DMD: variants seen among roughly 807,000 people sequenced by gnomAD.
The protein encoded by DMD is mutant dystrophin.
A neutral mutation model predicts 330.1 loss-of-function variants in DMD; 63 were observed. The ratio of observed to expected loss-of-function variants is 0.19; its 90% confidence interval spans 0.16 to 0.24. The LOEUF (loss-of-function observed/expected upper bound fraction) is 0.24, where lower values mean the gene tolerates loss of function less well. Among genes scored for constraint, DMD ranks in the 10% least tolerant of loss-of-function variants. DMD has a pLI of 1.00. For missense variants in DMD, 3,344 were observed against 2,684.1 expected (o/e 1.25, Z -5.43); for synonymous variants, 1,223 against 959.8 (o/e 1.27, Z -5.07).
At chrX:31,738,944 G>A (rs920256077) in intron 51 of DMD, among the ~76,000 whole-genome samples, 18 of 111,757 alleles carry the variant, frequency 1.6e-4, no homozygotes, top group African/African-American at 5.9e-4. Flanking sequence ...GTCGTGGGGA[G>A]GTGGGGGTGG....
At chrX:32,722,526 C>G (rs1174402050) in intron 7 of DMD, among the ~76,000 whole-genome samples, 1 of 110,236 alleles carries the variant, frequency 9.1e-6, no homozygotes, top group Non-Finnish European at 1.9e-5. Context: ...TACCAAGGGA[C>G]AGCTATATAT....
At chrX:32,319,333 C>T (rs904272568) in intron 41 of DMD, among the ~76,000 whole-genome samples, 3 of 110,727 alleles carry the variant, frequency 2.7e-5, no homozygotes, top group African/African-American at 9.8e-5. Context: ...TACACCCTAG[C>T]CAACTTATAA....
intron 55 of DMD, among the ~76,000 whole-genome samples, chrX:31,526,925 T>C (rs1569549484): frequency 9.0e-6 from 1 of 111,687 alleles, no homozygotes; most frequent in East Asian, 2.8e-4. Context: ...GCTTAGGCAA[T>C]GTGGCGAAAC....
chrX:31,312,006 G>C (rs2055559396), intron 62 of DMD, among the ~76,000 whole-genome samples: 1 of 111,681 alleles, frequency 9.0e-6, no homozygotes, highest in Non-Finnish European at 1.9e-5. Flanking sequence ...AAAAACCCTA[G>C]AAGGAAACCT....
chrX:32,331,789 G>T (rs903031606), intron 41 of DMD, among the ~76,000 whole-genome samples: 2 of 111,648 alleles, frequency 1.8e-5, no homozygotes, highest in Non-Finnish European at 1.9e-5. Flanking sequence ...CCAGTCATTT[G>T]AGACAATATT....
chrX:31,621,889 T>G (rs2078551477), intron 55 of DMD, among the ~76,000 whole-genome samples: 1 of 112,185 alleles, frequency 8.9e-6, no homozygotes, highest in African/African-American at 3.2e-5. Flanking sequence ...GAATGCTCTT[T>G]TCAACCCCAT....
intron 44 of DMD, among the ~76,000 whole-genome samples, chrX:32,123,833 T>C (rs1447423998): frequency 2.7e-5 from 3 of 112,375 alleles, no homozygotes; most frequent in Admixed American, 9.4e-5. Context: ...GTACACTTTA[T>C]TCTCGATTGG....
intron 55 of DMD, among the ~76,000 whole-genome samples, chrX:31,598,738 A>T (rs2077217948): frequency 8.9e-6 from 1 of 111,935 alleles, no homozygotes; most frequent in Non-Finnish European, 1.9e-5. Flanking sequence ...ACAATGAGAA[A>T]TGTAGTATCT....
intron 43 of DMD, among the ~76,000 whole-genome samples, chrX:32,244,570 C>A (rs1216990407): frequency 1.3e-5 from 1 of 77,752 alleles, no homozygotes. Context: ...AGTTTACAGT[C>A]CCACCAACAG....
At chrX:32,304,972 A>G (rs899105587) in intron 42 of DMD, among the ~76,000 whole-genome samples, 3 of 111,902 alleles carry the variant, frequency 2.7e-5, no homozygotes, top group African/African-American at 9.7e-5. Context: ...TATATGATCC[A>G]TGATTATTTA....
intron 41 of DMD, among the ~76,000 whole-genome samples, chrX:32,313,259 A>C (rs1326038450): frequency 9.0e-6 from 1 of 111,255 alleles, no homozygotes; most frequent in Non-Finnish European, 1.9e-5. Context: ...GCAAATCAAT[A>C]AATGTAACCC....
chrX:32,875,722 A>G (rs1414292634), intron 2 of DMD, among the ~76,000 whole-genome samples: 1 of 112,063 alleles, frequency 8.9e-6, no homozygotes, highest in African/African-American at 3.2e-5. Context: ...TTTCAATTCA[A>G]TCACTGCCTT....
intron 9 of DMD, among the ~76,000 whole-genome samples, chrX:32,683,343 C>T (rs1052160820): frequency 2.7e-5 from 3 of 110,355 alleles, no homozygotes; most frequent in East Asian, 2.9e-4. Flanking sequence ...TACATGTACA[C>T]GTATGCTTAT....
At chrX:31,890,479 T>C (rs1603541897) in intron 47 of DMD, among the ~76,000 whole-genome samples, 1 of 111,746 alleles carries the variant, frequency 8.9e-6, no homozygotes, top group South Asian at 3.7e-4. Flanking sequence ...AGTTCCTTAG[T>C]TGCACTTACC....
intron 37 of DMD, among the ~76,000 whole-genome samples, chrX:32,361,889 A>G: frequency 9.0e-6 from 1 of 111,626 alleles, no homozygotes; most frequent in African/African-American, 3.2e-5. Flanking sequence ...GATTTTATAT[A>G]CATTTTTATG....
At chrX:33,041,670 G>A (rs1354407787) in intron 1 of DMD, 1 of 1,207,247 alleles carries the variant, frequency 8.3e-7, no homozygotes, top group African/African-American at 1.8e-5. Context: ...AAGAAGCTGA[G>A]GAATATAAAG....
At chrX:32,761,528 C>T (rs1191908676) in intron 7 of DMD, among the ~76,000 whole-genome samples, 1 of 112,117 alleles carries the variant, frequency 8.9e-6, no homozygotes, top group African/African-American at 3.2e-5. Flanking sequence ...GACAGGTCCA[C>T]CCAGTAGATT....
chrX:33,306,382 G>C (rs1189026081), intron 1 of DMD, among the ~76,000 whole-genome samples: 1 of 111,918 alleles, frequency 8.9e-6, no homozygotes, highest in Non-Finnish European at 1.9e-5. Context: ...TTTATAACAA[G>C]GAACAGAAAT....
At chrX:31,333,498 T>C (rs1456890507) in intron 61 of DMD, among the ~76,000 whole-genome samples, 2 of 104,568 alleles carry the variant, frequency 1.9e-5, no homozygotes, top group Non-Finnish European at 3.9e-5. Flanking sequence ...GAAGATGCAG[T>C]TCAAAACTGA....
Sources: allele counts gnomAD v4.1 joint callset (sites outside exome capture counted in the v4.1 genomes callset), GRCh38; gene constraint gnomAD v4.1.1; transcripts MANE v1.5; gene names NCBI Gene and HGNC (gene_info 2026-07-23, HGNC 2026-07-21).